Variants in ADGRE3 observed in about 807,000 individuals in gnomAD.
The protein encoded by ADGRE3 is EGF-like module receptor 3.
A neutral mutation model predicts 80.1 loss-of-function variants in ADGRE3; 88 were observed. That is an observed-to-expected ratio of 1.10 (90% CI 0.93 to 1.31). The LOEUF is 1.31. Among genes scored for constraint, ADGRE3 ranks in the 40% most tolerant of loss-of-function variants. ADGRE3 has a pLI of 0.00. For missense variants in ADGRE3, 715 were observed against 776.5 expected, an observed-to-expected ratio of 0.92 and a Z score of 0.94; for synonymous variants, 281 against 294.8, an observed-to-expected ratio of 0.95 and a Z score of 0.48.
At chr19:14,634,506 G>T (rs1346740187) in intron 11 of ADGRE3, among the ~76,000 whole-genome samples, 1 of 152,074 alleles carries the variant, frequency 6.6e-6, no homozygotes, top group Non-Finnish European at 1.5e-5. Flanking sequence ...GGTTTTTATA[G>T]AATTTAAGCT....
chr19:14,638,186 A>G lies in ADGRE3; in HGVS notation c.1403T>C (p.Phe468Ser). 1 of 1,614,128 alleles carries G rather than the reference A, an allele frequency of 6.2e-7. No homozygotes were observed. The highest frequency in any genetic ancestry group is 8.5e-7 in the Non-Finnish European group (1 of 1,180,022). ...AGCGGGAACGCCATAGCCGACTGGG[A>G]ACATGATCCACTTCATGAGTCTATT... Reference protein sequence around the residue: ...SINRLMKWIMFPVGYGVPAVT... With the variant: ...SINRLMKWIMSPVGYGVPAVT... The change falls in exon 11 of 16, where the codon TTC becomes TCC. Residue 468 changes from phenylalanine to serine, a missense_variant. By Grantham distance (155) the Phe-to-Ser change is radical. Coordinates refer to ENST00000253673, the MANE Select transcript of ADGRE3 (RefSeq NM_032571.5).
intron 6 of ADGRE3, among the ~76,000 whole-genome samples, chr19:14,653,651 C>A (rs1971667054): frequency 1.3e-5 from 2 of 151,982 alleles, no homozygotes; most frequent in Admixed American, 6.6e-5. Context: ...CAGCTCACTG[C>A]AGCCTCGAAC....
the ADGRE3 span, chr19:14,607,124 G>T: frequency 1.7e-6 from 2 of 1,179,824 alleles, no homozygotes; most frequent in Middle Eastern, 2.3e-4. Context: ...GGTTTCCTGG[G>T]GTCTCTCTGC....
the ADGRE3 span, among the ~76,000 whole-genome samples, chr19:14,608,291 T>C: frequency 6.6e-6 from 1 of 152,146 alleles, no homozygotes; most frequent in Non-Finnish European, 1.5e-5. Context: ...AACTAAAGGA[T>C]TTGTCATTGG....
chr19:14,641,669 G>T (rs28680873), intron 9 of ADGRE3, 53 bp from the exon 10 acceptor site: 22 of 1,590,060 alleles, frequency 1.4e-5, no homozygotes, highest in Non-Finnish European at 1.8e-5. Flanking sequence ...TGGGATTATG[G>T]CTCCCTCCTT....
At position 14,663,426 on chromosome 19, in the gene ADGRE3, G is replaced by A. The variant is rs200473707; in HGVS notation, c.191C>T (p.Thr64Ile). Residue 64 changes from threonine (T) to isoleucine (I), a missense_variant, in exon 3 of 16, where the codon ACA becomes ATA. Thr to Ile is a moderately conservative substitution (Grantham distance 89). Coordinates refer to ENST00000253673, the MANE Select transcript of ADGRE3 (RefSeq NM_032571.5). ...GQKLFTFPLETCNDINECTPP... is the reference protein window; with the variant it reads ...GQKLFTFPLEICNDINECTPP... Reference sequence around the variant, plus strand: ...TAATAATACTTCTTTACCGTTACATGTCTCCAAGGGGAATGTGAATAGTTT... The same window carrying A: ...TAATAATACTTCTTTACCGTTACATATCTCCAAGGGGAATGTGAATAGTTT... 7 of 1,586,902 alleles carry A rather than the reference G, an allele frequency of 4.4e-6. No homozygotes were observed. In the African/African-American group the frequency reaches 9.4e-5, roughly 21 times the overall value.
At chr19:14,661,860 G>A (rs1174825477) in intron 4 of ADGRE3, 103 bp downstream of exon 4, 10 of 1,285,644 alleles carry the variant, frequency 7.8e-6, no homozygotes, top group Non-Finnish European at 1.1e-5. Flanking sequence ...ACTCCAGCCT[G>A]GGCTACAGAG....
At chr19:14,668,118 G>A (rs1392057356) in intron 2 of ADGRE3, among the ~76,000 whole-genome samples, 1 of 152,066 alleles carries the variant, frequency 6.6e-6, no homozygotes, top group Non-Finnish European at 1.5e-5. Flanking sequence ...GCCCACAGTG[G>A]CACGTGTCTT....
intron 7 of ADGRE3, among the ~76,000 whole-genome samples, chr19:14,650,256 C>G (rs1971551961): frequency 6.6e-6 from 1 of 151,310 alleles, no homozygotes; most frequent in Non-Finnish European, 1.5e-5. Context: ...TCCCTTCTCT[C>G]TCTTTCCATT....
intron 8 of ADGRE3, among the ~76,000 whole-genome samples, chr19:14,646,712 C>T (rs1186592831): frequency 7.6e-6 from 1 of 131,542 alleles, no homozygotes; most frequent in East Asian, 2.7e-4. Context: ...TCCTTCCTTC[C>T]TTCCTTCCTT....
At chr19:14,613,401 T>A in the ADGRE3 span, among the ~76,000 whole-genome samples, 16 of 151,894 alleles carry the variant, frequency 1.1e-4, no homozygotes, top group African/African-American at 3.4e-4. Flanking sequence ...TTTAATTTTT[T>A]TTTTTTTTTG....
At chr19:14,665,936 G>GTATATATATGCATACA (rs71166783) in intron 2 of ADGRE3, among the ~76,000 whole-genome samples, 2,591 of 42,040 alleles carry the variant, frequency 0.062, 617 homozygotes, top group African/African-American at 0.1. Flanking sequence ...ACACATATGT[G>GTATATATATGCATACA]TATATATATA....
downstream of ADGRE3, among the ~76,000 whole-genome samples, chr19:14,616,260 G>C (rs185821594): frequency 6.6e-6 from 1 of 151,996 alleles, no homozygotes; most frequent in Non-Finnish European, 1.5e-5. Context: ...GTGAGCCACC[G>C]TGCCCAGCCC....
intron 11 of ADGRE3, among the ~76,000 whole-genome samples, chr19:14,636,064 T>C (rs1402723704): frequency 9.6e-6 from 1 of 104,586 alleles, no homozygotes; most frequent in Non-Finnish European, 1.9e-5. Flanking sequence ...TTCCTTCCTT[T>C]CCTTTCCTTT....
At chr19:14,640,008 GC>G (rs1374722396) in intron 10 of ADGRE3, among the ~76,000 whole-genome samples, 1 of 152,078 alleles carries the variant, frequency 6.6e-6, no homozygotes, top group African/African-American at 2.4e-5. Flanking sequence ...CTTAGTCTCT[GC>G]TAACAACCAT....
rs775452381 is a variant in ADGRE3, at chr19:14,641,424, G to T, written c.1243C>A (p.Pro415Thr). Reference sequence around the variant, plus strand: ...CTCTGAGACACTGTCAGTACCTTGGGTTCAGTTCGATCAATCCCCACGAGG... The same window carrying T: ...CTCTGAGACACTGTCAGTACCTTGGTTTCAGTTCGATCAATCCCCACGAGG... ...LFLVGIDRTE[P>T]KVLCSIIAGA... Residue 415 changes from proline to threonine, a missense_variant, in exon 10 of 16, where the codon CCC becomes ACC. Pro to Thr is a conservative substitution (Grantham distance 38). Transcript: ENST00000253673. The T allele has an allele frequency of 1.9e-6, 3 of 1,614,106 alleles. No individual in the cohort carries two copies. Among genetic ancestry groups the T allele is most frequent in the Non-Finnish European group, 2.5e-6 (3 of 1,179,998 alleles).
chr19:14,634,735 T>A (rs1970987436), intron 11 of ADGRE3, among the ~76,000 whole-genome samples: 1 of 152,168 alleles, frequency 6.6e-6, no homozygotes, highest in African/African-American at 2.4e-5. Context: ...CTAACTCTTG[T>A]GATCCGAGAG....
At chr19:14,672,662 T>C (rs1972286473) in intron 1 of ADGRE3, among the ~76,000 whole-genome samples, 1 of 152,172 alleles carries the variant, frequency 6.6e-6, no homozygotes, top group African/African-American at 2.4e-5. Context: ...CAGGCTGGAG[T>C]GCAGTGATGC....
At chr19:14,636,144 T>TCC (rs1377453479) in intron 11 of ADGRE3, among the ~76,000 whole-genome samples, 3,602 of 94,936 alleles carry the variant, frequency 0.038, 803 homozygotes, top group Middle Eastern at 0.049. Context: ...CTTTCTTTCT[T>TCC]TCTTTCTTCC....
Sources: allele counts gnomAD v4.1 joint callset (sites outside exome capture counted in the v4.1 genomes callset), GRCh38; gene constraint gnomAD v4.1.1; transcripts MANE v1.5; gene names NCBI Gene and HGNC (gene_info 2026-07-23, HGNC 2026-07-21).